The following DMD variants were observed in gnomAD, a reference collection of about 807,000 sequenced individuals.
DMD encodes dystrophin, also known as mutant dystrophin.
DMD carries 63 observed loss-of-function variants against 330.1 expected under a neutral mutation model. The observed-to-expected ratio is 0.19, with a 90% CI of 0.16 to 0.24. The LOEUF (loss-of-function observed/expected upper bound fraction) is 0.24, where lower values mean the gene tolerates loss of function less well. Ranked by LOEUF, DMD falls within the 10% of genes least tolerant of loss-of-function variation. The pLI is 1.00. For missense variants in DMD, 3,344 were observed against 2,684.1 expected (o/e 1.25, Z -5.43); for synonymous variants, 1,223 against 959.8 (o/e 1.27, Z -5.07).
chrX:32,342,077 T>C, intron 41 of DMD, 23 bp downstream of exon 41: 1 of 1,199,495 alleles, frequency 8.3e-7, no homozygotes, highest in Non-Finnish European at 1.1e-6. Flanking sequence ...AACACATACG[T>C]GGGTTTGCCA....
At position 32,332,649 on chromosome X, in the gene DMD, A is replaced by G. The variant is rs149902636; in HGVS notation, c.5922+9451T>C. On this transcript the variant is annotated intron_variant, in intron 41 of 78. Transcript: ENST00000357033. ...GTGGAGCAGAGGAAAGTATTAAGAG[A>G]TAAGGCCTGAGTTAAGAAGTGGGCC... Among the ~76,000 whole-genome samples the G allele has an allele frequency of 5.8e-4, 64 of 110,559 alleles. No homozygotes were observed. In the East Asian group the frequency reaches 6.0e-3, roughly 10 times the overall value.
At chrX:31,325,446 CA>C (rs386416849) in intron 61 of DMD, among the ~76,000 whole-genome samples, 7,268 of 50,992 alleles carry the variant, frequency 0.14, 332 homozygotes, top group African/African-American at 0.2. Context: ...CTAAAAATAC[CA>C]AAAAAAAAAA....
intron 1 of DMD, among the ~76,000 whole-genome samples, chrX:33,111,423 C>T (rs1296119572): frequency 8.9e-6 from 1 of 111,965 alleles, no homozygotes; most frequent in Admixed American, 9.5e-5. Context: ...TTGGACGTCT[C>T]CTATCAGCCT....
intron 51 of DMD, among the ~76,000 whole-genome samples, chrX:31,732,966 G>A (rs1211893774): frequency 9.0e-6 from 1 of 111,300 alleles, no homozygotes; most frequent in Non-Finnish European, 1.9e-5. Context: ...ATAATGGATC[G>A]TGTCTACATG....
At chrX:31,133,965 C>A in intron 77 of DMD, 137 bp downstream of exon 77, 1 of 544,907 alleles carries the variant, frequency 1.8e-6, no homozygotes, top group Admixed American at 2.7e-5. Context: ...AAAATCAAAT[C>A]TTTTCACCAT....
At chrX:31,141,278 C>T (rs1177729596) in intron 76 of DMD, among the ~76,000 whole-genome samples, 2 of 112,228 alleles carry the variant, frequency 1.8e-5, no homozygotes, top group Non-Finnish European at 3.8e-5. Context: ...CAAAAGAAAA[C>T]TCACTGAGTG....
intron 45 of DMD, among the ~76,000 whole-genome samples, chrX:31,933,104 C>T (rs1603616071): frequency 8.9e-6 from 1 of 111,875 alleles, no homozygotes. Flanking sequence ...CCTAAAGTTA[C>T]AAGTTTTAAA....
At chrX:33,050,893 C>T (rs1437741752) in intron 1 of DMD, among the ~76,000 whole-genome samples, 1 of 111,792 alleles carries the variant, frequency 8.9e-6, no homozygotes, top group Non-Finnish European at 1.9e-5. Context: ...CAATTTCTTC[C>T]TCTTTTCTCA....
intron 51 of DMD, among the ~76,000 whole-genome samples, chrX:31,755,367 A>G (rs1474632140): frequency 8.9e-6 from 1 of 111,999 alleles, no homozygotes; most frequent in Admixed American, 9.5e-5. Context: ...TTGTTTCCAC[A>G]TTGAATCCGA....
chrX:33,177,939 C>T (rs775604809), intron 1 of DMD, among the ~76,000 whole-genome samples: 2 of 111,808 alleles, frequency 1.8e-5, no homozygotes, highest in Admixed American at 1.9e-4. Flanking sequence ...GGGCAAAATA[C>T]GAACAGATGT....
At chrX:33,032,425 T>G (rs1339351305) in intron 1 of DMD, among the ~76,000 whole-genome samples, 5 of 112,147 alleles carry the variant, frequency 4.5e-5, no homozygotes, top group Non-Finnish European at 9.4e-5. Context: ...CTGACTAATA[T>G]AGCAGGTAAA....
At chrX:31,556,761 C>A (rs1164889408) in intron 55 of DMD, among the ~76,000 whole-genome samples, 6 of 111,798 alleles carry the variant, frequency 5.4e-5, no homozygotes, top group Non-Finnish European at 1.1e-4. Context: ...AAATTTAGAT[C>A]TAAAGTGTCA....
intron 62 of DMD, among the ~76,000 whole-genome samples, chrX:31,308,129 C>T (rs1364546195): frequency 1.8e-5 from 2 of 111,902 alleles, no homozygotes; most frequent in Non-Finnish European, 3.8e-5. Context: ...GCTCACCACT[C>T]ACCTCCTGCT....
intron 43 of DMD, among the ~76,000 whole-genome samples, chrX:32,234,972 A>T (rs2097182154): frequency 8.9e-6 from 1 of 112,059 alleles, no homozygotes; most frequent in Non-Finnish European, 1.9e-5. Flanking sequence ...CTTATCCCAT[A>T]AAACAGTGGT....
At chrX:31,457,772 A>G (rs1490851623) in intron 59 of DMD, among the ~76,000 whole-genome samples, 1 of 111,663 alleles carries the variant, frequency 9.0e-6, no homozygotes, top group African/African-American at 3.2e-5. Flanking sequence ...TCTAGGGGGA[A>G]GGCACTCACT....
chrX:32,229,086 T>C lies in DMD; in HGVS notation c.6291-12023A>G, dbSNP rs1333215156. Among the ~76,000 whole-genome samples the C allele has an allele frequency of 2.7e-5, 3 of 111,048 alleles. No homozygotes were observed. The Admixed American group carries it at 2.9e-4, about 11-fold the overall frequency. On this transcript the variant is annotated intron_variant, in intron 43 of 78. Transcript: ENST00000357033. Reference sequence around the variant, plus strand: ...AGGATAGCTTATAGTGTATGTTTTTTGTTTCTTGTTTTTTTTAAGTGTCAT... The same window carrying C: ...AGGATAGCTTATAGTGTATGTTTTTCGTTTCTTGTTTTTTTTAAGTGTCAT...
intron 43 of DMD, among the ~76,000 whole-genome samples, chrX:32,250,382 T>C (rs1208616859): frequency 1.8e-5 from 2 of 112,192 alleles, no homozygotes; most frequent in Non-Finnish European, 3.8e-5. Flanking sequence ...CACTCTCTTT[T>C]TAGCTAATAT....
rs764891130 is a variant in DMD, at chrX:31,160,086, T to A, written c.10553+9357A>T. 3.6e-5 allele frequency among the ~76,000 whole-genome samples: 4 copies of A among 111,805 alleles called. No individual in the cohort carries two copies. In the Admixed American group the frequency reaches 3.8e-4, roughly 11 times the overall value. ...AAGAAAGATTCCACAGTAATTGTGA[T>A]GAAGCTAAAGGTGCTGTCTTTGGTA... On this transcript the variant is annotated intron_variant, in intron 74 of 78. Coordinates refer to ENST00000357033, the MANE Select transcript of DMD (RefSeq NM_004006.3).
chrX:32,784,406 G>C (rs894073094), intron 7 of DMD, among the ~76,000 whole-genome samples: 1 of 111,858 alleles, frequency 8.9e-6, no homozygotes, highest in Non-Finnish European at 1.9e-5. Context: ...CTGTGCAAAC[G>C]TGTGGACTTA....
Sources: gnomAD v4.1 joint callset for allele counts (sites outside exome capture counted in the v4.1 genomes callset) on GRCh38, gnomAD v4.1.1 for gene constraint, MANE v1.5 for transcripts, NCBI Gene and HGNC (gene_info 2026-07-23, HGNC 2026-07-21) for gene names.